NUP188: variants seen among roughly 807,000 people sequenced by gnomAD.
NUP188 encodes the protein nucleoporin 188.
A neutral mutation model predicts 223.0 loss-of-function variants in NUP188; 97 were observed. The ratio of observed to expected loss-of-function variants is 0.43; its 90% CI spans 0.37 to 0.51. The LOEUF (loss-of-function observed/expected upper bound fraction) is 0.51, where lower values mean the gene tolerates loss of function less well. NUP188 is among the 20% of genes least tolerant of loss of function. The pLI is 0.00. For synonymous variants in NUP188, 869 were observed against 828.0 expected, an observed-to-expected ratio of 1.05 and a Z score of -0.85; for missense variants, 1,947 against 2,175.6, an observed-to-expected ratio of 0.89 and a Z score of 2.09.
rs528103005 is a variant in NUP188 at position 128,962,524 on chromosome 9, C to T, written c.585+3390C>T. ...TCTGCCTCCCAAAGTGCTGGGACTA[C>T]AGGCGTGAGCCACTGTGCCCGGCAC... On this transcript the variant is annotated intron_variant, in intron 8 of 43. Transcript: ENST00000372577. Among the ~76,000 whole-genome samples the T allele has an allele frequency of 5.3e-5, 8 of 152,184 alleles. 1 individual carries two copies. In the South Asian group the frequency reaches 1.7e-3, roughly 32 times the overall value.
At chr9:128,961,266 G>A (rs1172072930) in intron 8 of NUP188, among the ~76,000 whole-genome samples, 1 of 151,754 alleles carries the variant, frequency 6.6e-6, no homozygotes, top group Non-Finnish European at 1.5e-5. Context: ...GGAGGCAGAG[G>A]TTGCAGTGAG....
Position 129,003,450 on chromosome 9 carries a change from T to C in NUP188, c.4430T>C (p.Ile1477Thr), listed in dbSNP as rs371155123. ...CACCTGCCTCAGCTCATGCGTGATATCCAGGTGGGGGCCCAAGATGGTGTC... is the reference window on the plus strand; with the variant it reads ...CACCTGCCTCAGCTCATGCGTGATACCCAGGTGGGGGCCCAAGATGGTGTC... ...HFHLPQLMRD[I>T]QVNLGYLCQA... The change falls in exon 38 of 44, where the codon ATC (isoleucine) becomes ACC (threonine). Residue 1477 changes from isoleucine to threonine, a missense_variant. This residue lies in a region of NUP188 where 905 missense variants were observed against 990.6 expected (regional missense o/e 0.91). Transcript: ENST00000372577. The C allele has an allele frequency of 9.3e-6, 15 of 1,609,848 alleles. No homozygotes were observed. Among genetic ancestry groups the C allele is most frequent in the African/African-American group, 1.3e-5 (1 of 74,932 alleles).
rs771552734 is a variant in NUP188 at position 128,999,203 on chromosome 9, C to A, written c.3547C>A (p.Pro1183Thr). Residue 1183 changes from proline to threonine, a missense_variant, in exon 33 of 44, where the codon CCC becomes ACC. Physicochemically the swap from Pro to Thr is conservative, Grantham distance 38. Around this residue, in one of 3 missense-constraint regions of NUP188, gnomAD observed 905 missense variants for 990.6 expected, o/e 0.91. Transcript: ENST00000372577. ...AGGTTCTGTGGATGAAATCCTTGGA[C>A]CCTTGACGGAGATCCTGGAGGGAGT... is the stretch of plus-strand genomic sequence containing the variant. ...ELGSVDEILG[P>T]LTEILEGVLQ... is the part of the protein sequence containing the mutation. The A allele has an allele frequency of 2.5e-6, 4 of 1,613,984 alleles. No homozygotes were observed. The African/African-American group carries it at 5.3e-5, about 22-fold the overall frequency.
At chr9:128,987,482 A>G in intron 22 of NUP188, 107 bp from the exon 23 acceptor site, 1 of 1,046,448 alleles carries the variant, frequency 9.6e-7, no homozygotes, top group Non-Finnish European at 1.4e-6. Flanking sequence ...GCTGGTCTCC[A>G]GTGTCCAGTA....
At position 128,998,165 on chromosome 9, in the gene NUP188, C is replaced by A; in HGVS notation, c.3366C>A (p.His1122Gln). 1 of 1,613,778 alleles carries A rather than the reference C, an allele frequency of 6.2e-7. No homozygotes were observed. Among genetic ancestry groups the A allele is most frequent in the South Asian group, 1.1e-5 (1 of 91,078 alleles). Reference sequence around the variant, plus strand: ...TTCCTTTGCAGGCAGATATAATGCACCTGACTGACTCTGTGGTGCGTCGCC... The same window carrying A: ...TTCCTTTGCAGGCAGATATAATGCAACTGACTGACTCTGTGGTGCGTCGCC... ...IIATTHADIM[H>Q]LTDSVVRRQL... Residue 1122 changes from histidine to glutamine, a missense_variant, in exon 31 of 44, where the codon CAC becomes CAA. By Grantham distance (24) the His-to-Gln change is conservative (BLOSUM62 0). This residue lies in a region of NUP188 where 905 missense variants were observed against 990.6 expected (regional missense o/e 0.91). Coordinates refer to ENST00000372577, the MANE Select transcript of NUP188 (RefSeq NM_015354.3).
Position 129,003,455 on chromosome 9 carries a change from G to A in NUP188, c.4434+1G>A. On this transcript the variant is annotated splice_donor_variant, in intron 38 of 43. Coordinates refer to ENST00000372577, the MANE Select transcript of NUP188 (RefSeq NM_015354.3). LOFTEE classifies it high-confidence loss of function. ...GCCTCAGCTCATGCGTGATATCCAGGTGGGGGCCCAAGATGGTGTCTTGGA... is the reference window on the plus strand; with the variant it reads ...GCCTCAGCTCATGCGTGATATCCAGATGGGGGCCCAAGATGGTGTCTTGGA... 6.2e-7 allele frequency: 1 copy of A among 1,609,334 alleles called. No individual in the cohort carries two copies. The highest frequency in any genetic ancestry group is 8.5e-7 in the Non-Finnish European group (1 of 1,179,944).
In NUP188 at chr9:128,957,867, G is replaced by A. The variant is rs981595940; in HGVS notation, c.328-143G>A. ...TTTGAGCACAGGTTTGGGTACATTT[G>A]GGTAAAAAGTAAGGTGGAAAGTATA... On this transcript the variant is annotated intron_variant, in intron 5 of 43. Transcript: ENST00000372577. 33 of 633,896 alleles carry A rather than the reference G, an allele frequency of 5.2e-5. No individual in the cohort carries two copies. In the African/African-American group the frequency reaches 6.0e-4, roughly 12 times the overall value. 39.3% of individuals were successfully genotyped at this position (633,896 alleles called of 1,614,324 possible). A position where few individuals can be genotyped will look rare whatever the true frequency, so the allele number is the denominator to read the frequency against.
rs187055825 is a variant in NUP188, at chr9:128,949,675, C to G, written c.87+432C>G. The stretch of plus-strand genomic sequence containing the variant: ...TGGAGTTTCACTCTTGTTACCCAGG[C>G]TGGAGTGTAACAGCATGATCCCAGC... On this transcript the variant is annotated intron_variant, in intron 2 of 43. Coordinates refer to ENST00000372577, the MANE Select transcript of NUP188 (RefSeq NM_015354.3). Among the ~76,000 whole-genome samples the G allele has an allele frequency of 3.3e-5, 5 of 152,184 alleles. No individual in the cohort carries two copies. The East Asian group carries it at 5.8e-4, about 18-fold the overall frequency.
chr9:128,981,336 C>T lies in NUP188; in HGVS notation c.1462C>T (p.His488Tyr). 6.2e-7 allele frequency: 1 copy of T among 1,613,936 alleles called. No individual in the cohort carries two copies. Among genetic ancestry groups the T allele is most frequent in the Non-Finnish European group, 8.5e-7 (1 of 1,179,872 alleles). ...ACACAAGCCTCATGATGTGATCTCC[C>T]ATGAAGATGGAACTCTTTGGCGGAG... ...YKHKPHDVIS[H>Y]EDGTLWRRQT... Residue 488 changes from histidine (H) to tyrosine (Y), a missense_variant, in exon 15 of 44, where the codon CAT (histidine) becomes TAT (tyrosine). Transcript: ENST00000372577.
At chr9:128,966,797 GT>G (rs1015724375) in intron 8 of NUP188, among the ~76,000 whole-genome samples, 37 of 152,218 alleles carry the variant, frequency 2.4e-4, no homozygotes, top group African/African-American at 7.7e-4. Context: ...ATGTCTAGTT[GT>G]TTTTTCAGTT....
intron 8 of NUP188, among the ~76,000 whole-genome samples, chr9:128,966,684 G>A (rs1020277876): frequency 6.6e-6 from 1 of 152,130 alleles, no homozygotes; most frequent in African/African-American, 2.4e-5. Context: ...TGTTATCAGA[G>A]AACACATTCT....
In NUP188 at chr9:128,995,530, GGA is replaced by G; in HGVS notation, c.3351+20_3351+21del. 1.3e-6 allele frequency: 2 copies of G among 1,557,888 alleles called. No individual in the cohort carries two copies. Among genetic ancestry groups the G allele is most frequent in the East Asian group, 4.5e-5 (2 of 44,522 alleles). On this transcript the variant is annotated intron_variant, in intron 30 of 43. Transcript: ENST00000372577. Reference sequence around the variant, plus strand: ...CACCACTCATGTAAGACCCTTTTGGGGAGAGTTTTCACTTTGGTACCTTAGCA... The same window carrying G: ...CACCACTCATGTAAGACCCTTTTGGGGAGTTTTCACTTTGGTACCTTAGCA...
intron 2 of NUP188, 108 bp from the exon 3 acceptor site, chr9:128,952,665 G>C: frequency 1.2e-6 from 1 of 838,442 alleles, no homozygotes; most frequent in Non-Finnish European, 1.9e-6. Flanking sequence ...GGAGGTTGCA[G>C]TCAGCCAAGT....
intron 8 of NUP188, among the ~76,000 whole-genome samples, chr9:128,962,318 G>A (rs377640371): frequency 3.4e-5 from 5 of 147,262 alleles, no homozygotes; most frequent in Admixed American, 6.9e-5. Flanking sequence ...GCACGATCTC[G>A]GCTCTCTGCA....
intron 30 of NUP188, among the ~76,000 whole-genome samples, chr9:128,996,027 TGA>T (rs1162769890): frequency 1.3e-5 from 2 of 152,114 alleles, no homozygotes; most frequent in Admixed American, 6.5e-5. Flanking sequence ...GAGTTGGTTT[TGA>T]GAGAGAGAGA....
At chr9:128,971,259 C>A (rs891397712) in intron 11 of NUP188, among the ~76,000 whole-genome samples, 2 of 152,156 alleles carry the variant, frequency 1.3e-5, no homozygotes, top group Non-Finnish European at 2.9e-5. Context: ...ACGGTTTGAA[C>A]TCTTTGCCAG....
In NUP188 at chr9:129,003,325, C is replaced by T. The variant is rs371943971; in HGVS notation, c.4305C>T (p.Asn1435=). ...VHQERTLQCL[N]AVRTVQSLAC... ...GTGTGCTTTCCTCCCAGTGCCTCAA[C>T]GCAGTGAGGACAGTGCAGAGTCTGG... The change falls in exon 38 of 44, where the codon AAC becomes AAT. Residue 1435 remains asparagine (N), a synonymous_variant. Transcript: ENST00000372577. 63 of 1,603,488 alleles carry T rather than the reference C, an allele frequency of 3.9e-5. 1 individual carries two copies. Among genetic ancestry groups the T allele is most frequent in the South Asian group, 1.1e-4 (10 of 89,550 alleles).
chr9:128,969,531 T>C lies in NUP188; in HGVS notation c.912+17T>C. The C allele has an allele frequency of 2.9e-6, 4 of 1,401,184 alleles. No homozygotes were observed. Among genetic ancestry groups the C allele is most frequent in the Non-Finnish European group, 3.9e-6 (4 of 1,032,578 alleles). 86.8% of individuals were successfully genotyped at this position (1,401,184 alleles called of 1,614,324 possible). A position where few individuals can be genotyped will look rare whatever the true frequency, so the allele number is the denominator to read the frequency against. On this transcript the variant is annotated intron_variant, in intron 10 of 43. Transcript: ENST00000372577. Reference sequence around the variant, plus strand: ...ATTTGTCAGGTGACTTGGAATAGCCTCTTTTTTTTCAGAGGGTTTATAAGT... The same window carrying C: ...ATTTGTCAGGTGACTTGGAATAGCCCCTTTTTTTTCAGAGGGTTTATAAGT...
intron 25 of NUP188, 37 bp downstream of exon 25, chr9:128,990,263 G>A: frequency 1.3e-6 from 2 of 1,517,546 alleles, no homozygotes; most frequent in Non-Finnish European, 1.8e-6. Context: ...CTGTTTATAT[G>A]AGGGTGTTTT....
Sources: allele counts gnomAD v4.1 joint callset (sites outside exome capture counted in the v4.1 genomes callset), GRCh38; gene constraint gnomAD v4.1.1; regional missense constraint gnomAD v4.1.1; transcripts MANE v1.5; gene names NCBI Gene and HGNC (gene_info 2026-07-23, HGNC 2026-07-21).